Variants in ATP1A3 observed in about 807,000 individuals in gnomAD.
ATP1A3 encodes the protein sodium/potassium-transporting ATPase subunit alpha-3.
ATP1A3 carries 12 observed loss-of-function variants against 108.8 expected under a neutral mutation model. That is an observed-to-expected ratio of 0.11 (90% CI 0.07 to 0.18). The LOEUF (loss-of-function observed/expected upper bound fraction) is 0.18. ATP1A3 is among the 10% of genes least tolerant of loss of function. The pLI, the probability that ATP1A3 is intolerant of heterozygous loss-of-function variation, is 1.00. For missense variants in ATP1A3, 498 were observed against 1,387.7 expected, an observed-to-expected ratio of 0.36 and a Z score of 10.19; for synonymous variants, 539 against 564.5, an observed-to-expected ratio of 0.95 and a Z score of 0.64.
Position 41,978,386 on chromosome 19 carries a change from C to T in ATP1A3, c.1631-60G>A. 1 of 1,545,304 alleles carries T rather than the reference C, an allele frequency of 6.5e-7. No homozygotes were observed. Among genetic ancestry groups the T allele is most frequent in the South Asian group, 1.2e-5 (1 of 84,786 alleles). ...CAGCCTCGGAACCTCCGCCCCATGC[C>T]CCTAGATGTCTGCATCGCCCGCATT... is the stretch of plus-strand genomic sequence containing the variant. On this transcript the variant is annotated intron_variant, in intron 12 of 22. Coordinates refer to ENST00000648268, the MANE Select transcript of ATP1A3 (RefSeq NM_152296.5). This position sits in a 1 kb window ranked among gnomAD's most constrained non-coding sequence, Gnocchi z 8.3.
chr19:41,988,740 T>C lies in ATP1A3; in HGVS notation c.7-178A>G, dbSNP rs926393779. 2.0e-5 allele frequency: 26 copies of C among 1,301,898 alleles called. No homozygotes were observed. Among genetic ancestry groups the C allele is most frequent in the Admixed American group, 1.3e-4 (5 of 39,800 alleles). The allele number at this position is 1,301,898 out of a possible 1,614,324, so 80.6% of individuals were successfully genotyped here. ...CCCTGTGTCTCCCGGAGCCTCTGGG[T>C]GACTTCACCTCCCTTCTGCCTCTGG... On this transcript the variant is annotated intron_variant, in intron 1 of 22. Coordinates refer to ENST00000648268, the MANE Select transcript of ATP1A3 (RefSeq NM_152296.5). This position sits in a 1 kb window ranked among gnomAD's most constrained non-coding sequence, Gnocchi z 5.3.
At chr19:41,983,931 C>T (rs1011655158) in intron 8 of ATP1A3, among the ~76,000 whole-genome samples, 1 of 151,700 alleles carries the variant, frequency 6.6e-6, no homozygotes, top group African/African-American at 2.4e-5. Flanking sequence ...CCCATCACCA[C>T]GCCTGGCTAA....
rs376270815 is a variant in ATP1A3 at position 41,968,396 on chromosome 19, C to A, written c.2819+389G>T. ...TGGTGGTGCGTACCTGTAATCCCAG[C>A]TACTTGGGAGGCTGAGGCATGAGAA... On this transcript the variant is annotated intron_variant, in intron 20 of 22. Transcript: ENST00000648268. The surrounding 1 kb of genome is among the most constrained non-coding windows in gnomAD (Gnocchi z 5.0). Among the ~76,000 whole-genome samples the A allele has an allele frequency of 1.3e-5, 2 of 152,264 alleles. No homozygotes were observed. Among genetic ancestry groups the A allele is most frequent in the East Asian group, 3.9e-4 (2 of 5,180 alleles).
intron 1 of ATP1A3, chr19:41,993,338 T>G (rs1599730798): frequency 6.6e-7 from 1 of 1,504,964 alleles, no homozygotes; most frequent in East Asian, 2.5e-5. Context: ...GCATGCACGC[T>G]CCCCACTACA....
intron 4 of ATP1A3, among the ~76,000 whole-genome samples, chr19:41,987,273 T>A (rs992438899): frequency 1.3e-5 from 2 of 152,210 alleles, no homozygotes; most frequent in Non-Finnish European, 2.9e-5. Flanking sequence ...ACACTCTCTG[T>A]GCCTGACTCT....
In ATP1A3 at chr19:41,967,140, TG is replaced by T; in HGVS notation, c.3013+108del. 6.4e-7 allele frequency: 1 copy of T among 1,572,322 alleles called. No individual in the cohort carries two copies. The highest frequency in any genetic ancestry group is 8.6e-7 in the Non-Finnish European group (1 of 1,159,468). ...GGAGAGATGGGAAGAGAGAGAAGAG[TG>T]GGAACCAGGTGGCAGAGCCATCCAG... On this transcript the variant is annotated intron_variant, in intron 22 of 22. Transcript: ENST00000648268. This position sits in a 1 kb window ranked among gnomAD's most constrained non-coding sequence, Gnocchi z 4.2.
chr19:41,993,356 A>T (rs1555868021), intron 1 of ATP1A3: 2 of 1,528,902 alleles, frequency 1.3e-6, no homozygotes, highest in South Asian at 2.4e-5. Context: ...ACACAGTTGC[A>T]CACGCACACC....
In ATP1A3 at chr19:41,978,388, CT is replaced by C; in HGVS notation, c.1631-63del. The C allele has an allele frequency of 6.5e-7, 1 of 1,544,956 alleles. No individual in the cohort carries two copies. Among genetic ancestry groups the C allele is most frequent in the Non-Finnish European group, 8.8e-7 (1 of 1,141,776 alleles). The stretch of plus-strand genomic sequence containing the variant: ...GCCTCGGAACCTCCGCCCCATGCCC[CT>C]AGATGTCTGCATCGCCCGCATTCCA... On this transcript the variant is annotated intron_variant, in intron 12 of 22. Transcript: ENST00000648268. The surrounding 1 kb of genome is among the most constrained non-coding windows in gnomAD (Gnocchi z 8.3).
chr19:41,975,568 T>G, intron 16 of ATP1A3, 61 bp downstream of exon 16: 2 of 1,606,862 alleles, frequency 1.2e-6, no homozygotes, highest in South Asian at 1.1e-5. Context: ...CCAGTTCCCC[T>G]TGCTGGTCTC....
intron 16 of ATP1A3, among the ~76,000 whole-genome samples, chr19:41,974,452 C>A (rs368093570): frequency 6.6e-6 from 1 of 152,070 alleles, no homozygotes; most frequent in Non-Finnish European, 1.5e-5. Context: ...CCGCCCCCAG[C>A]CCCCAAAAAA....
intron 16 of ATP1A3, among the ~76,000 whole-genome samples, chr19:41,973,970 C>G (rs972453635): frequency 1.3e-5 from 2 of 152,152 alleles, no homozygotes; most frequent in Non-Finnish European, 2.9e-5. Context: ...GTGGCTCACC[C>G]CTGCAATCCC....
chr19:41,978,356 G>C lies in ATP1A3; in HGVS notation c.1631-30C>G. The C allele has an allele frequency of 6.3e-7, 1 of 1,575,198 alleles. No individual in the cohort carries two copies. The highest frequency in any genetic ancestry group is 1.9e-5 in the Admixed American group (1 of 52,320). On this transcript the variant is annotated intron_variant, in intron 12 of 22. Transcript: ENST00000648268. The surrounding 1 kb of genome is among the most constrained non-coding windows in gnomAD (Gnocchi z 8.3). ...TGGCAGGGAAGGGTTGGGGTGTGAG[G>C]GTCCCAGCCTCGGAACCTCCGCCCC... is the stretch of plus-strand genomic sequence containing the variant.
Position 41,968,073 on chromosome 19 carries a change from G to A in ATP1A3, c.2820-310C>T, listed in dbSNP as rs1599703788. ...ACACAGGGACAGACACAGAGACAGGGACAGAAACAGACACAGAGACAGGGA... is the reference window on the plus strand; with the variant it reads ...ACACAGGGACAGACACAGAGACAGGAACAGAAACAGACACAGAGACAGGGA... On this transcript the variant is annotated intron_variant, in intron 20 of 22. Transcript: ENST00000648268. This position sits in a 1 kb window ranked among gnomAD's most constrained non-coding sequence, Gnocchi z 5.0. Among the ~76,000 whole-genome samples the A allele has an allele frequency of 1.3e-5, 2 of 151,702 alleles. No homozygotes were observed. The highest frequency in any genetic ancestry group is 1.3e-4 in the Admixed American group (2 of 15,206).
chr19:41,985,547 G>A lies in ATP1A3; in HGVS notation c.607-124C>T, dbSNP rs2075278960. ...TCACAGCTAGAAGCCTGGGTGCCCA[G>A]TGGGTGAGTGGTGTGTGGGAGGCCA... On this transcript the variant is annotated intron_variant, in intron 6 of 22. Coordinates refer to ENST00000648268, the MANE Select transcript of ATP1A3 (RefSeq NM_152296.5). The surrounding 1 kb of genome is among the most constrained non-coding windows in gnomAD (Gnocchi z 8.2). 3.0e-6 allele frequency: 3 copies of A among 1,009,786 alleles called. No homozygotes were observed. Among genetic ancestry groups the A allele is most frequent in the African/African-American group, 1.6e-5 (1 of 63,464 alleles). 62.6% of individuals were successfully genotyped at this position (1,009,786 alleles called of 1,614,324 possible).
At chr19:41,989,308 A>C (rs532826659) in intron 1 of ATP1A3, among the ~76,000 whole-genome samples, 17 of 139,728 alleles carry the variant, frequency 1.2e-4, no homozygotes, top group South Asian at 2.3e-4. Context: ...ACCTTCCTAC[A>C]TATCTGTCTT....
In ATP1A3 at chr19:41,970,276, G is replaced by A. The variant is rs148392240; in HGVS notation, c.2451C>T (p.Ala817=). ...GCTGTCTCTTCATGATGTCGCTTTC[G>A]GCAGCCTCGTACGCCAGTGAGATGG... is the stretch of plus-strand genomic sequence containing the variant. ...VPAISLAYEA[A]ESDIMKRQPR... is the part of the protein sequence containing the mutation. The change falls in exon 18 of 23, where the codon GCC becomes GCT. Residue 817 remains alanine (A), a synonymous_variant. Coordinates refer to ENST00000648268, the MANE Select transcript of ATP1A3 (RefSeq NM_152296.5). 1.4e-5 allele frequency: 22 copies of A among 1,614,142 alleles called. No individual in the cohort carries two copies. The African/African-American group carries it at 2.3e-4, about 17-fold the overall frequency.
At chr19:41,976,351 C>T (rs1555861227) in intron 15 of ATP1A3, 65 bp downstream of exon 15, 1 of 1,602,138 alleles carries the variant, frequency 6.2e-7, no homozygotes, top group African/African-American at 1.3e-5. Flanking sequence ...GGAAACCAGG[C>T]CCCGGCCTCA....
At position 41,986,774 on chromosome 19, in the gene ATP1A3, G is replaced by C. The variant is rs534204091; in HGVS notation, c.358-545C>G. 8.1e-5 allele frequency: 12 copies of C among 147,550 alleles called. No homozygotes were observed. In the South Asian group the frequency reaches 1.0e-3, roughly 12 times the overall value. 9.1% of individuals were successfully genotyped at this position (147,550 alleles called of 1,614,324 possible). ...TTTTTTTTTTTTGAGACAGGGTCTC[G>C]CTCTGCTGCCTAGGATGGAGTACAG... On this transcript the variant is annotated intron_variant, in intron 4 of 22. Coordinates refer to ENST00000648268, the MANE Select transcript of ATP1A3 (RefSeq NM_152296.5).
intron 16 of ATP1A3, 37 bp downstream of exon 16, chr19:41,975,592 T>A (rs782612598): frequency 6.2e-7 from 1 of 1,613,156 alleles, no homozygotes; most frequent in South Asian, 1.1e-5. Flanking sequence ...CCTCCGGTAG[T>A]GACCCTGGTC....
Sources: allele counts gnomAD v4.1 joint callset (sites outside exome capture counted in the v4.1 genomes callset), GRCh38; gene constraint gnomAD v4.1.1; non-coding constraint Gnocchi (gnomAD v3.1); transcripts MANE v1.5; gene names NCBI Gene and HGNC (gene_info 2026-07-23, HGNC 2026-07-21).